The following NFATC1 variants were observed in gnomAD, a reference collection of about 807,000 sequenced individuals.
The protein encoded by NFATC1 is nuclear factor of activated T-cells, cytoplasmic 1.
NFATC1 carries 22 observed loss-of-function variants against 76.0 expected under a neutral mutation model. The observed-to-expected ratio is 0.29, with a 90% CI of 0.21 to 0.41. The LOEUF is 0.41. Among genes scored for constraint, NFATC1 ranks in the 10% least tolerant of loss-of-function variants. NFATC1 has a pLI of 1.00. For missense variants in NFATC1, 1,357 were observed against 1,337.7 expected (o/e 1.01, Z -0.23); for synonymous variants, 704 against 613.1 (o/e 1.15, Z -2.19).
intron 6 of NFATC1, 139 bp from the exon 7 acceptor site, chr18:79,461,172 C>CTGGGA: frequency 1.1e-6 from 1 of 904,742 alleles, no homozygotes; most frequent in South Asian, 1.5e-5. Flanking sequence ...CGACAAAGCC[C>CTGGGA]TGGGATGGGC....
intron 6 of NFATC1, among the ~76,000 whole-genome samples, chr18:79,455,443 A>C (rs1370064010): frequency 6.6e-6 from 1 of 152,122 alleles, no homozygotes; most frequent in East Asian, 1.9e-4. Flanking sequence ...CCCTCTGGGG[A>C]GGCAGCCTGG....
intron 9 of NFATC1, among the ~76,000 whole-genome samples, chr18:79,499,079 A>G (rs964063841): frequency 1.3e-5 from 2 of 152,256 alleles, no homozygotes; most frequent in Non-Finnish European, 1.5e-5. Context: ...AATTAAAAAG[A>G]CAGCACAAAC....
intron 8 of NFATC1, chr18:79,470,050 G>A (rs2088712952): frequency 1.0e-6 from 1 of 976,862 alleles, no homozygotes; most frequent in Non-Finnish European, 1.2e-6. Context: ...CGTGCCCGCT[G>A]CACTTCCTGC....
At chr18:79,467,790 G>T in intron 8 of NFATC1, 1 of 201,378 alleles carries the variant, frequency 5.0e-6, no homozygotes, top group Non-Finnish European at 7.1e-6. Context: ...CCTGTTGGGG[G>T]TGGGGGGCGG....
intron 3 of NFATC1, among the ~76,000 whole-genome samples, chr18:79,438,884 T>G (rs1026149281): frequency 7.9e-5 from 12 of 152,198 alleles, no homozygotes; most frequent in South Asian, 2.1e-4. Context: ...TAGGTCAACT[T>G]TGCCTCCACA....
chr18:79,449,994 C>T (rs937676617), intron 4 of NFATC1, among the ~76,000 whole-genome samples: 7 of 152,222 alleles, frequency 4.6e-5, no homozygotes, highest in East Asian at 1.9e-4. Flanking sequence ...GAGTTTGCCT[C>T]GAGAGCTGTA....
intron 3 of NFATC1, among the ~76,000 whole-genome samples, chr18:79,434,013 TG>T: frequency 6.6e-6 from 1 of 152,300 alleles, no homozygotes; most frequent in South Asian, 2.1e-4. Flanking sequence ...GTGGATGTTT[TG>T]GGGGTTGATT....
intron 2 of NFATC1, among the ~76,000 whole-genome samples, chr18:79,412,433 T>C (rs1056559963): frequency 2.0e-5 from 3 of 150,298 alleles, no homozygotes; most frequent in Non-Finnish European, 4.5e-5. Flanking sequence ...TTTCCTGTTT[T>C]TGTTTTTTTT....
At chr18:79,472,259 C>A (rs953269634) in intron 8 of NFATC1, among the ~76,000 whole-genome samples, 9 of 152,114 alleles carry the variant, frequency 5.9e-5, no homozygotes, top group African/African-American at 2.2e-4. Context: ...GCAGCAGAAC[C>A]GGCCCCTCTA....
At chr18:79,477,660 G>A (rs370696509) in intron 8 of NFATC1, among the ~76,000 whole-genome samples, 6 of 152,102 alleles carry the variant, frequency 3.9e-5, no homozygotes, top group African/African-American at 7.2e-5. Flanking sequence ...AAGGGGGTCC[G>A]GGGCACTGTC....
At chr18:79,485,055 C>T (rs772686786) in intron 8 of NFATC1, among the ~76,000 whole-genome samples, 2 of 152,260 alleles carry the variant, frequency 1.3e-5, no homozygotes, top group African/African-American at 4.8e-5. Flanking sequence ...CTTTTGTTTA[C>T]TGCAGGAGGC....
At chr18:79,413,741 G>T (rs1006768430) in intron 2 of NFATC1, among the ~76,000 whole-genome samples, 1 of 152,210 alleles carries the variant, frequency 6.6e-6, no homozygotes, top group Non-Finnish European at 1.5e-5. Context: ...TCTCCTGGGC[G>T]GCAAGGTGTC....
At chr18:79,474,280 G>A (rs530710268) in intron 8 of NFATC1, among the ~76,000 whole-genome samples, 2 of 132,390 alleles carry the variant, frequency 1.5e-5, no homozygotes, top group East Asian at 2.5e-4. Flanking sequence ...TGAGGGAAGC[G>A]TGTTCTCACG....
At chr18:79,473,902 G>A (rs201495184) in intron 8 of NFATC1, among the ~76,000 whole-genome samples, 24,050 of 143,918 alleles carry the variant, frequency 0.17, 1,419 homozygotes, top group East Asian at 0.34. Flanking sequence ...CACTGTCGAC[G>A]TTGTGAGGGA....
intron 8 of NFATC1, chr18:79,470,665 C>T (rs1047118434): frequency 6.6e-6 from 1 of 152,242 alleles, no homozygotes; most frequent in East Asian, 1.9e-4. Context: ...CCGCACTCCT[C>T]GTCTCAGTGC....
At chr18:79,427,468 G>T in intron 2 of NFATC1, among the ~76,000 whole-genome samples, 1 of 83,106 alleles carries the variant, frequency 1.2e-5, no homozygotes, top group Non-Finnish European at 2.6e-5. Flanking sequence ...GCGGTGGGTG[G>T]GGGCTGTACC....
At chr18:79,454,242 A>T (rs2087593677) in intron 6 of NFATC1, among the ~76,000 whole-genome samples, 1 of 152,140 alleles carries the variant, frequency 6.6e-6, no homozygotes, top group Non-Finnish European at 1.5e-5. Flanking sequence ...GCTGTTGGGA[A>T]TGTTGGCTCT....
chr18:79,437,781 A>G (rs1486981343), intron 3 of NFATC1, among the ~76,000 whole-genome samples: 11 of 152,198 alleles, frequency 7.2e-5, no homozygotes, highest in Non-Finnish European at 1.0e-4. Context: ...TCTGCTCTCA[A>G]CGGAGCTGGA....
intron 8 of NFATC1, among the ~76,000 whole-genome samples, chr18:79,477,853 C>G (rs1482086905): frequency 6.6e-6 from 1 of 152,226 alleles, no homozygotes; most frequent in Non-Finnish European, 1.5e-5. Context: ...CATGGCAGGA[C>G]AGGCGATTTG....
Sources: allele counts gnomAD v4.1 joint callset (sites outside exome capture counted in the v4.1 genomes callset), GRCh38; gene constraint gnomAD v4.1.1; transcripts MANE v1.5; gene names NCBI Gene and HGNC (gene_info 2026-07-23, HGNC 2026-07-21).